Variants in RGS6 observed in about 807,000 individuals in gnomAD.
RGS6 encodes the protein regulator of G-protein signaling 6.
RGS6 carries 30 observed loss-of-function variants against 78.5 expected under a neutral mutation model. The observed-to-expected ratio is 0.38, with a 90% CI of 0.29 to 0.52. The LOEUF (loss-of-function observed/expected upper bound fraction) is 0.52, where lower values mean the gene tolerates loss of function less well. RGS6 is among the 20% of genes least tolerant of loss of function. RGS6 has a pLI of 0.85. For missense variants in RGS6, 495 were observed against 609.7 expected, an observed-to-expected ratio of 0.81 and a Z score of 1.98; for synonymous variants, 206 against 206.0, an observed-to-expected ratio of 1.00 and a Z score of 0.00.
intron 3 of RGS6, among the ~76,000 whole-genome samples, chr14:72,375,111 TGAA>T (rs757708824): frequency 2.6e-5 from 4 of 152,130 alleles, no homozygotes; most frequent in African/African-American, 4.8e-5. Flanking sequence ...TTAAAAGACT[TGAA>T]GAAGAGAGTG....
intron 2 of RGS6, among the ~76,000 whole-genome samples, chr14:71,981,116 C>T (rs563417004): frequency 4.6e-4 from 69 of 149,036 alleles, no homozygotes; most frequent in Non-Finnish European, 7.6e-4. Flanking sequence ...GCTCCATCAG[C>T]TCCTTTAAGC....
At chr14:72,368,687 C>T (rs909744402) in intron 3 of RGS6, among the ~76,000 whole-genome samples, 1 of 152,164 alleles carries the variant, frequency 6.6e-6, no homozygotes, top group African/African-American at 2.4e-5. Context: ...ATTAGTAATT[C>T]CCTGAGAATT....
chr14:72,023,249 A>G (rs1178160042), intron 2 of RGS6, among the ~76,000 whole-genome samples: 2 of 152,188 alleles, frequency 1.3e-5, no homozygotes, highest in Admixed American at 6.5e-5. Context: ...GGAGCTGGAA[A>G]TATATTTGGT....
intron 17 of RGS6, among the ~76,000 whole-genome samples, chr14:72,549,345 G>A (rs1446415580): frequency 1.3e-5 from 2 of 152,086 alleles, no homozygotes; most frequent in Non-Finnish European, 2.9e-5. Flanking sequence ...GGAGGACACA[G>A]GCGCCCACTG....
chr14:72,100,353 G>A (rs899299267), intron 2 of RGS6, among the ~76,000 whole-genome samples: 3 of 151,996 alleles, frequency 2.0e-5, no homozygotes, highest in African/African-American at 7.3e-5. Flanking sequence ...AAATTAGCTA[G>A]GCGTGGTGGT....
intron 3 of RGS6, among the ~76,000 whole-genome samples, chr14:72,432,598 C>G (rs184623395): frequency 6.6e-6 from 1 of 152,294 alleles, no homozygotes; most frequent in East Asian, 1.9e-4. Flanking sequence ...GAACAGTAAC[C>G]TCATAATGCA....
intron 12 of RGS6, among the ~76,000 whole-genome samples, chr14:72,487,290 CATAG>C (rs1233754066): frequency 2.0e-5 from 3 of 152,228 alleles, no homozygotes; most frequent in Non-Finnish European, 2.9e-5. Context: ...TTATTTTCTA[CATAG>C]ATAAATATAG....
intron 2 of RGS6, among the ~76,000 whole-genome samples, chr14:72,136,414 A>G (rs2096442141): frequency 1.3e-5 from 2 of 152,174 alleles, no homozygotes; most frequent in African/African-American, 4.8e-5. Flanking sequence ...TGGGTAATTT[A>G]AAAGGAAAGA....
intron 3 of RGS6, among the ~76,000 whole-genome samples, chr14:72,426,637 C>G (rs866968103): frequency 4.6e-5 from 7 of 152,230 alleles, no homozygotes; most frequent in South Asian, 2.1e-4. Context: ...CTTGCTCTGT[C>G]TACTTCAGTT....
At chr14:72,580,341 C>T in the RGS6 span, among the ~76,000 whole-genome samples, 4 of 146,376 alleles carry the variant, frequency 2.7e-5, no homozygotes, top group Non-Finnish European at 4.5e-5. Context: ...CACAGCTTTG[C>T]CCTGCAGGAG....
At chr14:72,591,913 C>T in the RGS6 span, among the ~76,000 whole-genome samples, 1 of 152,228 alleles carries the variant, frequency 6.6e-6, no homozygotes, top group East Asian at 1.9e-4. Flanking sequence ...TCCCTCTTCT[C>T]CCGTCTCCTC....
intron 13 of RGS6, among the ~76,000 whole-genome samples, chr14:72,501,036 G>A (rs1940723737): frequency 2.0e-5 from 3 of 152,112 alleles, no homozygotes; most frequent in Admixed American, 2.0e-4. Flanking sequence ...TGTGGGTGAA[G>A]GTTTGTGGGA....
intron 2 of RGS6, among the ~76,000 whole-genome samples, chr14:72,205,152 T>G (rs2042426313): frequency 6.6e-6 from 1 of 152,148 alleles, no homozygotes; most frequent in Non-Finnish European, 1.5e-5. Context: ...AGGAGAAGCC[T>G]CCCCTGGACA....
At chr14:71,963,571 T>G (rs2093341652) in intron 1 of RGS6, among the ~76,000 whole-genome samples, 1 of 152,202 alleles carries the variant, frequency 6.6e-6, no homozygotes, top group Non-Finnish European at 1.5e-5. Flanking sequence ...ACTTACCTAT[T>G]CTGGATATTT....
chr14:72,470,839 A>T (rs2096058534), intron 8 of RGS6, among the ~76,000 whole-genome samples: 1 of 149,740 alleles, frequency 6.7e-6, no homozygotes, highest in South Asian at 2.1e-4. Context: ...AGATCGTGAC[A>T]TTGCACTCCA....
intron 2 of RGS6, among the ~76,000 whole-genome samples, chr14:72,060,765 C>T (rs7154201): frequency 0.7 from 107,013 of 152,060 alleles, 37,749 homozygotes; most frequent in East Asian, 0.82. Flanking sequence ...GAGGCCCTGG[C>T]GATGGGAGCT....
intron 2 of RGS6, among the ~76,000 whole-genome samples, chr14:72,089,801 C>T (rs2095198368): frequency 6.6e-6 from 1 of 152,216 alleles, no homozygotes; most frequent in South Asian, 2.1e-4. Context: ...AGATTTAGCA[C>T]TTCCTATATA....
chr14:72,331,601 T>A (rs945258702), intron 2 of RGS6, among the ~76,000 whole-genome samples: 2 of 152,138 alleles, frequency 1.3e-5, no homozygotes, highest in African/African-American at 4.8e-5. Context: ...CCGTGGGTAC[T>A]GTCCTTGTGT....
chr14:72,260,211 G>T (rs1414606809), intron 2 of RGS6, among the ~76,000 whole-genome samples: 1 of 152,136 alleles, frequency 6.6e-6, no homozygotes, highest in Non-Finnish European at 1.5e-5. Flanking sequence ...GTGAATCCTT[G>T]TAAAGTTGTT....
Sources: allele counts gnomAD v4.1 joint callset (sites outside exome capture counted in the v4.1 genomes callset), GRCh38; gene constraint gnomAD v4.1.1; transcripts MANE v1.5; gene names NCBI Gene and HGNC (gene_info 2026-07-23, HGNC 2026-07-21).